Variants in CSMD3 observed in about 807,000 individuals in gnomAD.
CSMD3 encodes the protein CUB and sushi domain-containing protein 3.
CSMD3 carries 177 observed loss-of-function variants against 435.2 expected under a neutral mutation model. The observed-to-expected ratio is 0.41, with a 90% CI of 0.36 to 0.46. CSMD3 has a LOEUF of 0.46. Among genes scored for constraint, CSMD3 ranks in the 20% least tolerant of loss-of-function variants. CSMD3 has a pLI of 0.34. For missense variants in CSMD3, 4,265 were observed against 4,504.6 expected, an observed-to-expected ratio of 0.95 and a Z score of 1.52; for synonymous variants, 1,656 against 1,520.5, an observed-to-expected ratio of 1.09 and a Z score of -2.07.
intron 9 of CSMD3, among the ~76,000 whole-genome samples, chr8:112,938,999 A>T (rs1193829657): frequency 6.6e-6 from 1 of 152,112 alleles, no homozygotes; most frequent in Non-Finnish European, 1.5e-5. Flanking sequence ...CTTTTGAGTT[A>T]AAATATGATA....
At chr8:113,215,935 A>C (rs2092899877) in intron 3 of CSMD3, among the ~76,000 whole-genome samples, 2 of 151,836 alleles carry the variant, frequency 1.3e-5, no homozygotes, top group Admixed American at 6.6e-5. Flanking sequence ...TGGTAGGAAA[A>C]AGATATATTA....
At chr8:112,352,753 C>G (rs1387747538) in intron 38 of CSMD3, among the ~76,000 whole-genome samples, 1 of 151,992 alleles carries the variant, frequency 6.6e-6, no homozygotes, top group Non-Finnish European at 1.5e-5. Context: ...TTTTATGGCA[C>G]CAGTCATTAA....
At chr8:113,347,207 T>C (rs1192536543) in intron 1 of CSMD3, among the ~76,000 whole-genome samples, 4 of 152,176 alleles carry the variant, frequency 2.6e-5, no homozygotes, top group Admixed American at 6.6e-5. Flanking sequence ...AAGGCTTTCA[T>C]GGTTGTATTT....
chr8:113,168,476 G>C (rs899070086), intron 4 of CSMD3, among the ~76,000 whole-genome samples: 1 of 123,898 alleles, frequency 8.1e-6, no homozygotes, highest in Non-Finnish European at 1.6e-5. Flanking sequence ...AGCCGGGATC[G>C]TGCCACTGCA....
At chr8:113,178,000 C>T (rs1269769121) in intron 3 of CSMD3, among the ~76,000 whole-genome samples, 1 of 151,820 alleles carries the variant, frequency 6.6e-6, no homozygotes, top group East Asian at 1.9e-4. Context: ...AAGAAAAGAT[C>T]AATTACTTGG....
At chr8:113,138,497 A>G (rs756431122) in intron 4 of CSMD3, among the ~76,000 whole-genome samples, 1 of 151,486 alleles carries the variant, frequency 6.6e-6, no homozygotes, top group East Asian at 1.9e-4. Flanking sequence ...AATGCTAAAG[A>G]TAAATTCATT....
intron 10 of CSMD3, among the ~76,000 whole-genome samples, chr8:112,917,675 A>G (rs1164641834): frequency 6.6e-6 from 1 of 151,990 alleles, no homozygotes; most frequent in African/African-American, 2.4e-5. Flanking sequence ...CAGGTGGGAT[A>G]AATTGTACTC....
chr8:113,014,283 GT>G (rs1362483343), intron 6 of CSMD3, among the ~76,000 whole-genome samples: 2 of 152,042 alleles, frequency 1.3e-5, no homozygotes, highest in Non-Finnish European at 2.9e-5. Flanking sequence ...ACTATTATTT[GT>G]TATATAACAA....
At chr8:112,420,933 C>T (rs1169042895) in intron 32 of CSMD3, among the ~76,000 whole-genome samples, 1 of 152,240 alleles carries the variant, frequency 6.6e-6, no homozygotes, top group Admixed American at 6.5e-5. Context: ...TGCATGTTGC[C>T]TCCTACGCAC....
At chr8:112,525,456 C>A (rs972800211) in intron 27 of CSMD3, among the ~76,000 whole-genome samples, 11 of 150,470 alleles carry the variant, frequency 7.3e-5, no homozygotes, top group African/African-American at 2.4e-4. Context: ...AGCAGTGGCT[C>A]ACGCCTGTAA....
intron 27 of CSMD3, among the ~76,000 whole-genome samples, chr8:112,527,713 A>C (rs948641835): frequency 6.6e-6 from 1 of 152,042 alleles, no homozygotes; most frequent in Non-Finnish European, 1.5e-5. Context: ...TAAAATATTA[A>C]TTTTTAACTG....
intron 2 of CSMD3, chr8:113,310,024 A>T (rs2132645682): frequency 6.6e-6 from 1 of 152,334 alleles, no homozygotes. Context: ...AGCTACAGTA[A>T]GTCAGGATTT....
intron 1 of CSMD3, among the ~76,000 whole-genome samples, chr8:113,400,209 T>C (rs941635632): frequency 6.6e-6 from 1 of 151,976 alleles, no homozygotes; most frequent in Admixed American, 6.6e-5. Flanking sequence ...TTTCAAATGG[T>C]ATCCAGCTAT....
At chr8:112,534,997 C>T (rs1214761325) in intron 27 of CSMD3, among the ~76,000 whole-genome samples, 3 of 152,152 alleles carry the variant, frequency 2.0e-5, no homozygotes, top group African/African-American at 7.2e-5. Flanking sequence ...ATGCTAAAAA[C>T]TCTCAATAAA....
chr8:112,281,240 A>G lies in CSMD3; in HGVS notation c.9442T>C (p.Ser3148Pro), dbSNP rs1241309207. ...GTGCACTGTCTAACTGAAGGTCCAG[A>G]AAGGATGTATCCCTCCATGCAGGAA... ...IYSCMEGYIL[S>P]GPSVRQCTAN... The change falls in exon 59 of 71, where the codon TCT becomes CCT. Residue 3148 changes from serine to proline, a missense_variant. Transcript: ENST00000297405. The G allele has an allele frequency of 6.2e-7, 1 of 1,613,478 alleles. No individual in the cohort carries two copies. Among genetic ancestry groups the G allele is most frequent in the East Asian group, 2.2e-5 (1 of 44,836 alleles).
rs190856732 is a variant in CSMD3 at position 113,414,023 on chromosome 8, A to T, written c.178+22654T>A. Among the ~76,000 whole-genome samples the T allele has an allele frequency of 5.4e-4, 82 of 152,324 alleles. 2 individuals are homozygous for T. The highest frequency in any genetic ancestry group is 1.9e-3 in the African/African-American group (81 of 41,584). ...ACAGAAGACGAAATAGGAGACAGTA[A>T]CAAAAGCCACATGAACATATAGAAT... On this transcript the variant is annotated intron_variant, in intron 1 of 70. Coordinates refer to ENST00000297405, the MANE Select transcript of CSMD3 (RefSeq NM_198123.2).
At chr8:113,255,461 T>TA (rs1392468870) in intron 3 of CSMD3, among the ~76,000 whole-genome samples, 1 of 152,086 alleles carries the variant, frequency 6.6e-6, no homozygotes, top group Admixed American at 6.5e-5. Context: ...TACAAAATTT[T>TA]ATAGAAAAAT....
rs151006085 is a variant in CSMD3, at chr8:112,515,316, G to C, written c.4756+1718C>G. On this transcript the variant is annotated intron_variant, in intron 28 of 70. Coordinates refer to ENST00000297405, the MANE Select transcript of CSMD3 (RefSeq NM_198123.2). ...CAAGAAGTTCTACAGTAAGATTTTG[G>C]TGTTTTATAATTTATTCTTTACATA... Among the ~76,000 whole-genome samples the C allele has an allele frequency of 3.6e-3, 543 of 152,088 alleles. 1 individual carries two copies. The highest frequency in any genetic ancestry group is 0.013 in the African/African-American group (521 of 41,514).
chr8:112,940,606 T>C (rs1480675507), intron 9 of CSMD3, among the ~76,000 whole-genome samples: 1 of 151,824 alleles, frequency 6.6e-6, no homozygotes, highest in Non-Finnish European at 1.5e-5. Flanking sequence ...ACTTGTTATA[T>C]TCTATAGGTA....
Sources: allele counts gnomAD v4.1 joint callset (sites outside exome capture counted in the v4.1 genomes callset), GRCh38; gene constraint gnomAD v4.1.1; transcripts MANE v1.5; gene names NCBI Gene and HGNC (gene_info 2026-07-23, HGNC 2026-07-21).